Variants in THSD7A observed in about 807,000 individuals in gnomAD.
THSD7A encodes the protein thrombospondin type-1 domain-containing protein 7A.
THSD7A carries 96 observed loss-of-function variants against 231.3 expected under a neutral mutation model. The ratio of observed to expected loss-of-function variants is 0.41; its 90% CI spans 0.35 to 0.49. The LOEUF (loss-of-function observed/expected upper bound fraction) is 0.49, where lower values mean the gene tolerates loss of function less well. Ranked by LOEUF, THSD7A falls within the 20% of genes least tolerant of loss-of-function variation. THSD7A has a pLI of 0.05. For missense variants in THSD7A, 2,290 were observed against 2,070.2 expected, an observed-to-expected ratio of 1.11 and a Z score of -2.06; for synonymous variants, 940 against 743.3, an observed-to-expected ratio of 1.26 and a Z score of -4.30.
Position 11,388,051 on chromosome 7 carries a change from C to T in THSD7A, c.4412-5435G>A, listed in dbSNP as rs898559853. ...CAGCCTTGCATCCCAGGGATGAAGC[C>T]GACTTGATTGTGGTAGATAAGCTTT... On this transcript the variant is annotated intron_variant, in intron 23 of 27. Coordinates refer to ENST00000423059, the MANE Select transcript of THSD7A (RefSeq NM_015204.3). Among the ~76,000 whole-genome samples the T allele has an allele frequency of 6.6e-5, 10 of 152,148 alleles. No homozygotes were observed. The South Asian group carries it at 1.0e-3, about 16-fold the overall frequency.
At chr7:11,546,672 C>A (rs1413316971) in intron 4 of THSD7A, among the ~76,000 whole-genome samples, 3 of 152,162 alleles carry the variant, frequency 2.0e-5, no homozygotes, top group Non-Finnish European at 4.4e-5. Context: ...TGCCTTATTA[C>A]ATTCAAATGA....
intron 1 of THSD7A, among the ~76,000 whole-genome samples, chr7:11,661,108 C>T (rs1453577178): frequency 6.6e-6 from 1 of 151,222 alleles, no homozygotes; most frequent in African/African-American, 2.4e-5. Context: ...GAAGAAGTAA[C>T]CATGGTAAGT....
chr7:11,805,428 T>A (rs940362608), intron 1 of THSD7A, among the ~76,000 whole-genome samples: 1 of 151,486 alleles, frequency 6.6e-6, no homozygotes, highest in Non-Finnish European at 1.5e-5. Context: ...AAAACTCATA[T>A]ACACAAAAAT....
intron 1 of THSD7A, among the ~76,000 whole-genome samples, chr7:11,671,480 T>C (rs755889672): frequency 3.3e-5 from 5 of 152,208 alleles, no homozygotes; most frequent in Admixed American, 3.3e-4. Context: ...AGAAACATTC[T>C]GTTCATCTGG....
intron 1 of THSD7A, among the ~76,000 whole-genome samples, chr7:11,796,031 G>A (rs1302822826): frequency 1.0e-5 from 1 of 96,190 alleles, no homozygotes; most frequent in Non-Finnish European, 2.1e-5. Context: ...AATTAAATTA[G>A]CCATATATAT....
intron 17 of THSD7A, chr7:11,413,793 T>A (rs1201932504): frequency 6.6e-6 from 1 of 152,184 alleles, no homozygotes; most frequent in Admixed American, 6.6e-5. Flanking sequence ...TTTTCCATTT[T>A]TTTGCATGTC....
At position 11,508,179 on chromosome 7, in the gene THSD7A, A is replaced by C. The variant is rs187555459; in HGVS notation, c.1823-26197T>G. ...GTCCCTCCCTGGACCCCTGGAGATTACAATTTGGATTACAATTCAAGAGGA... is the reference window on the plus strand; with the variant it reads ...GTCCCTCCCTGGACCCCTGGAGATTCCAATTTGGATTACAATTCAAGAGGA... On this transcript the variant is annotated intron_variant, in intron 6 of 27. Coordinates refer to ENST00000423059, the MANE Select transcript of THSD7A (RefSeq NM_015204.3). Among the ~76,000 whole-genome samples, 13 of 152,348 alleles carry C rather than the reference A, an allele frequency of 8.5e-5. No individual in the cohort carries two copies. In the East Asian group the frequency reaches 2.5e-3, roughly 29 times the overall value.
intron 2 of THSD7A, among the ~76,000 whole-genome samples, chr7:11,616,811 A>G (rs1419882324): frequency 6.6e-6 from 1 of 152,180 alleles, no homozygotes; most frequent in African/African-American, 2.4e-5. Flanking sequence ...TTCTACTCAG[A>G]AAAAAAGTGA....
chr7:11,568,199 C>T (rs999238272), intron 4 of THSD7A, among the ~76,000 whole-genome samples: 1 of 152,114 alleles, frequency 6.6e-6, no homozygotes, highest in African/African-American at 2.4e-5. Flanking sequence ...GTTCACTGTT[C>T]TCAGACATTT....
intron 17 of THSD7A, among the ~76,000 whole-genome samples, chr7:11,415,516 AGAG>A (rs954889155): frequency 8.5e-5 from 13 of 152,330 alleles, no homozygotes; most frequent in African/African-American, 2.4e-4. Flanking sequence ...AACAAAAACA[AGAG>A]GAGATCAGTC....
chr7:11,418,186 T>A (rs1784024612), intron 16 of THSD7A, among the ~76,000 whole-genome samples: 1 of 152,214 alleles, frequency 6.6e-6, no homozygotes, highest in South Asian at 2.1e-4. Flanking sequence ...TAGCCTCCCT[T>A]CTGCTGTGAA....
At chr7:11,443,897 G>T (rs911590798) in intron 13 of THSD7A, among the ~76,000 whole-genome samples, 1 of 151,904 alleles carries the variant, frequency 6.6e-6, no homozygotes, top group African/African-American at 2.4e-5. Flanking sequence ...ATGTGATAAG[G>T]TAACAACAAA....
At chr7:11,679,602 C>T (rs999258225) in intron 1 of THSD7A, among the ~76,000 whole-genome samples, 1 of 152,036 alleles carries the variant, frequency 6.6e-6, no homozygotes, top group African/African-American at 2.4e-5. Context: ...ACAATTGCTA[C>T]AAAGAGAATA....
Position 11,636,801 on chromosome 7 carries a change from C to A in THSD7A, c.351G>T (p.Trp117Cys), listed in dbSNP as rs1443128167. Residue 117 changes from tryptophan to cysteine, a missense_variant, in exon 2 of 28, where the codon TGG (tryptophan) becomes TGT (cysteine). Transcript: ENST00000423059. This position sits in a 1 kb window ranked among gnomAD's most constrained non-coding sequence, Gnocchi z 10.0. Reference sequence around the variant, plus strand: ...GTCTCCAGTCGTACAACTCTTTGTGCCAATCGCAAACTTTGAAACAATTCT... The same window carrying A: ...GTCTCCAGTCGTACAACTCTTTGTGACAATCGCAAACTTTGAAACAATTCT... ...NQQNCFKVCD[W>C]HKELYDWRLG... 6.2e-7 allele frequency: 1 copy of A among 1,613,862 alleles called. No individual in the cohort carries two copies. Among genetic ancestry groups the A allele is most frequent in the Non-Finnish European group, 8.5e-7 (1 of 1,179,900 alleles).
At chr7:11,506,019 G>A (rs145798880) in intron 6 of THSD7A, among the ~76,000 whole-genome samples, 1 of 152,262 alleles carries the variant, frequency 6.6e-6, no homozygotes, top group Admixed American at 6.5e-5. Context: ...ACAAAAAGAG[G>A]TAAAGAGATT....
At chr7:11,485,941 A>G (rs956058781) in intron 6 of THSD7A, among the ~76,000 whole-genome samples, 1 of 152,260 alleles carries the variant, frequency 6.6e-6, no homozygotes, top group South Asian at 2.1e-4. Flanking sequence ...TTTGCTTTCA[A>G]TGAATGCTTT....
At position 11,393,833 on chromosome 7, in the gene THSD7A, A is replaced by G. The variant is rs1783077567; in HGVS notation, c.4411+7962T>C. On this transcript the variant is annotated intron_variant, in intron 23 of 27. Coordinates refer to ENST00000423059, the MANE Select transcript of THSD7A (RefSeq NM_015204.3). ...ATTAGAGAGAAAAGAATAAAAAGGA[A>G]CAAACAAAGCCTCCAAGAAATATGG... Among the ~76,000 whole-genome samples, 4 of 152,200 alleles carry G rather than the reference A, an allele frequency of 2.6e-5. No homozygotes were observed. In the South Asian group the frequency reaches 8.3e-4, roughly 32 times the overall value.
At chr7:11,772,930 G>T (rs955965841) in intron 1 of THSD7A, among the ~76,000 whole-genome samples, 1 of 152,084 alleles carries the variant, frequency 6.6e-6, no homozygotes. Context: ...AATTTCAAAC[G>T]TGGGCAGCAA....
At position 11,632,265 on chromosome 7, in the gene THSD7A, C is replaced by A. The variant is rs1448498777; in HGVS notation, c.1022+3865G>T. On this transcript the variant is annotated intron_variant, in intron 2 of 27. Coordinates refer to ENST00000423059, the MANE Select transcript of THSD7A (RefSeq NM_015204.3). This position sits in a 1 kb window ranked among gnomAD's most constrained non-coding sequence, Gnocchi z 4.1. The stretch of plus-strand genomic sequence containing the variant: ...TATTCTAGACAAGCACAACTACATC[C>A]TTTTCTATTTTTCCAAGTCTAGTGT... 3.3e-5 allele frequency among the ~76,000 whole-genome samples: 5 copies of A among 152,020 alleles called. No homozygotes were observed. The highest frequency in any genetic ancestry group is 5.9e-5 in the Non-Finnish European group (4 of 67,980).
Sources: allele counts gnomAD v4.1 joint callset (sites outside exome capture counted in the v4.1 genomes callset), GRCh38; gene constraint gnomAD v4.1.1; non-coding constraint Gnocchi (gnomAD v3.1); transcripts MANE v1.5; gene names NCBI Gene and HGNC (gene_info 2026-07-23, HGNC 2026-07-21).